The following ADAMTS2 variants were observed in gnomAD, a reference collection of about 807,000 sequenced individuals.
ADAMTS2 encodes A disintegrin and metalloproteinase with thrombospondin motifs 2.
ADAMTS2 carries 50 observed loss-of-function variants against 123.0 expected under a neutral mutation model. The observed-to-expected ratio is 0.41, with a 90% CI of 0.32 to 0.51. ADAMTS2 has a LOEUF of 0.51. Ranked by LOEUF, ADAMTS2 falls within the 20% of genes least tolerant of loss-of-function variation. ADAMTS2 has a pLI of 0.35. For missense variants in ADAMTS2, 1,494 were observed against 1,705.2 expected, an observed-to-expected ratio of 0.88 and a Z score of 2.18; for synonymous variants, 678 against 695.4, an observed-to-expected ratio of 0.98 and a Z score of 0.39.
Position 179,309,074 on chromosome 5 carries a change from G to A in ADAMTS2, c.534+34693C>T, listed in dbSNP as rs983637382. 1.4e-4 allele frequency among the ~76,000 whole-genome samples: 22 copies of A among 152,204 alleles called. 1 individual carries two copies. The highest frequency in any genetic ancestry group is 5.9e-5 in the Non-Finnish European group (4 of 68,022). On this transcript the variant is annotated intron_variant, in intron 2 of 21. Transcript: ENST00000251582. ...CTGTGGACTGGAGTTCTGCAGCTGC[G>A]CCATCCACAGGAAGCTACATGGAGA...
chr5:179,245,972 A>G (rs1200938887), intron 3 of ADAMTS2, among the ~76,000 whole-genome samples: 1 of 152,130 alleles, frequency 6.6e-6, no homozygotes, highest in African/African-American at 2.4e-5. Context: ...CTCCACAAAA[A>G]CAGGAAATAA....
chr5:179,141,520 C>A (rs1014017630), intron 10 of ADAMTS2, among the ~76,000 whole-genome samples: 4 of 152,076 alleles, frequency 2.6e-5, no homozygotes, highest in Non-Finnish European at 5.9e-5. Flanking sequence ...CATTTAAAGT[C>A]TCTGGAAATT....
chr5:179,213,849 A>G (rs1764914762), intron 3 of ADAMTS2, among the ~76,000 whole-genome samples: 1 of 152,242 alleles, frequency 6.6e-6, no homozygotes, highest in Non-Finnish European at 1.5e-5. Flanking sequence ...TATGCTCCTA[A>G]AGCTTCAACC....
intron 17 of ADAMTS2, among the ~76,000 whole-genome samples, chr5:179,126,362 C>T (rs1449840104): frequency 6.6e-6 from 1 of 152,172 alleles, no homozygotes; most frequent in Non-Finnish European, 1.5e-5. Context: ...GGCTGCCTCT[C>T]CCTCACTGGG....
chr5:179,153,927 C>T, intron 8 of ADAMTS2, 122 bp downstream of exon 8: 1 of 1,368,328 alleles, frequency 7.3e-7, no homozygotes, highest in Non-Finnish European at 9.9e-7. Flanking sequence ...TCCTCCCCCG[C>T]ACACAAGCTT....
At position 179,240,782 on chromosome 5, in the gene ADAMTS2, C is replaced by T. The variant is rs6863149; in HGVS notation, c.688+32129G>A. On this transcript the variant is annotated intron_variant, in intron 3 of 21. Coordinates refer to ENST00000251582, the MANE Select transcript of ADAMTS2 (RefSeq NM_014244.5). ...TGCAGACCCCATGCCTTGCCACCCT[C>T]GACCCTGATACGCGATGCCAATAGA... Among the ~76,000 whole-genome samples the T allele has an allele frequency of 9.1e-3, 1,391 of 152,276 alleles. 21 individuals are homozygous for T. The highest frequency in any genetic ancestry group is 0.032 in the African/African-American group (1,332 of 41,534).
intron 5 of ADAMTS2, among the ~76,000 whole-genome samples, chr5:179,168,980 G>C (rs1297676904): frequency 6.6e-6 from 1 of 152,244 alleles, no homozygotes; most frequent in Non-Finnish European, 1.5e-5. Flanking sequence ...TTCCCAGAGA[G>C]AGCCAAGCTG....
chr5:179,299,538 C>CACACACACACACACACACACAT lies in ADAMTS2; in HGVS notation c.535-26475_535-26474insATGTGTGTGTGTGTGTGTGTGT, dbSNP rs1298165522. On this transcript the variant is annotated intron_variant, in intron 2 of 21. Transcript: ENST00000251582. Reference sequence around the variant, plus strand: ...ATCAAGACTCCAACTCAAACACACACACACACACACACACACACACACATT... The same window carrying CACACACACACACACACACACAT: ...ATCAAGACTCCAACTCAAACACACACACACACACACACACACACACATACACACACACACACACACACACATT... 1.9e-3 allele frequency among the ~76,000 whole-genome samples: 277 copies of CACACACACACACACACACACAT among 148,500 alleles called. 2 individuals carry two copies. Among genetic ancestry groups the CACACACACACACACACACACAT allele is most frequent in the African/African-American group, 5.0e-3 (200 of 40,098 alleles).
chr5:179,330,875 A>G (rs1397147925), intron 2 of ADAMTS2, among the ~76,000 whole-genome samples: 1 of 152,194 alleles, frequency 6.6e-6, no homozygotes, highest in African/African-American at 2.4e-5. Flanking sequence ...CTTGTTTGCT[A>G]GAAAATGCAC....
At chr5:179,322,636 T>C (rs1211463475) in intron 2 of ADAMTS2, among the ~76,000 whole-genome samples, 1 of 152,206 alleles carries the variant, frequency 6.6e-6, no homozygotes, top group Non-Finnish European at 1.5e-5. Flanking sequence ...TCTGGCTGCC[T>C]CTGTAATATA....
intron 2 of ADAMTS2, among the ~76,000 whole-genome samples, chr5:179,274,543 C>CT (rs1231830371): frequency 2.6e-5 from 4 of 152,382 alleles, no homozygotes; most frequent in Middle Eastern, 3.4e-3. Context: ...ACCACACCCC[C>CT]CCCAAAGTAA....
intron 2 of ADAMTS2, among the ~76,000 whole-genome samples, chr5:179,295,050 C>G (rs1317317452): frequency 6.6e-6 from 1 of 152,232 alleles, no homozygotes; most frequent in Non-Finnish European, 1.5e-5. Context: ...CACTTCAAAA[C>G]CAGGCCTTGA....
In ADAMTS2 at chr5:179,188,489, A is replaced by G. The variant is rs1439108503; in HGVS notation, c.892-7334T>C. 6.6e-6 allele frequency among the ~76,000 whole-genome samples: 1 copy of G among 152,190 alleles called. No homozygotes were observed. On this transcript the variant is annotated intron_variant, in intron 4 of 21. Coordinates refer to ENST00000251582, the MANE Select transcript of ADAMTS2 (RefSeq NM_014244.5). This position sits in a 1 kb window ranked among gnomAD's most constrained non-coding sequence, Gnocchi z 5.1. Reference sequence around the variant, plus strand: ...AACGGGGCTGCCAGAGCCTGGGCTTATCATGAGAATCAACGTTCCCATTGC... The same window carrying G: ...AACGGGGCTGCCAGAGCCTGGGCTTGTCATGAGAATCAACGTTCCCATTGC...
rs1249824318 is a variant in ADAMTS2 at position 179,170,398 on chromosome 5, T to TA, written c.975+10673_975+10674insT. The stretch of plus-strand genomic sequence containing the variant: ...CATCCCCCAGAGTCTGTCCCCACCG[T>TA]GGGGGGGACAGCTCAGCCCCCTCCT... On this transcript the variant is annotated intron_variant, in intron 5 of 21. Transcript: ENST00000251582. The surrounding 1 kb of genome is among the most constrained non-coding windows in gnomAD (Gnocchi z 4.3). Among the ~76,000 whole-genome samples, 17 of 151,974 alleles carry TA rather than the reference T, an allele frequency of 1.1e-4. No homozygotes were observed.
At chr5:179,168,737 C>T (rs567049285) in intron 5 of ADAMTS2, among the ~76,000 whole-genome samples, 8 of 152,278 alleles carry the variant, frequency 5.3e-5, no homozygotes, top group African/African-American at 1.2e-4. Context: ...GACAAGGTCC[C>T]ACCATCCCTG....
At chr5:179,198,814 A>G (rs1020712318) in intron 4 of ADAMTS2, among the ~76,000 whole-genome samples, 1 of 151,532 alleles carries the variant, frequency 6.6e-6, no homozygotes, top group African/African-American at 2.4e-5. Flanking sequence ...AGCCCGGGCG[A>G]CAGAGCAAGA....
chr5:179,329,982 C>T (rs879663141), intron 2 of ADAMTS2, among the ~76,000 whole-genome samples: 1 of 151,576 alleles, frequency 6.6e-6, no homozygotes, highest in Non-Finnish European at 1.5e-5. Flanking sequence ...AAAAATTAGC[C>T]GGGCGCGGTG....
chr5:179,345,162 C>G lies in ADAMTS2; in HGVS notation c.139+28G>C, dbSNP rs529407156. ...GACAGGGCCAGGCCGGCGGGGGTCC[C>G]GGGGAGTAGGGGCCGGGCCGCACCT... is the stretch of plus-strand genomic sequence containing the variant. On this transcript the variant is annotated intron_variant, in intron 1 of 21. Transcript: ENST00000251582. This position sits in a 1 kb window ranked among gnomAD's most constrained non-coding sequence, Gnocchi z 7.5. The G allele has an allele frequency of 1.8e-6, 2 of 1,085,948 alleles. No individual in the cohort carries two copies. Among genetic ancestry groups the G allele is most frequent in the Admixed American group, 5.2e-5 (1 of 19,200 alleles). The allele number at this position is 1,085,948 out of a possible 1,614,324, so 67.3% of individuals were successfully genotyped here.
intron 2 of ADAMTS2, among the ~76,000 whole-genome samples, chr5:179,335,101 C>G (rs1403810199): frequency 1.3e-5 from 2 of 151,858 alleles, no homozygotes; most frequent in East Asian, 3.9e-4. Flanking sequence ...TGTGACCAGC[C>G]AAGAAAATTT....
Sources: gnomAD v4.1 joint callset for allele counts (sites outside exome capture counted in the v4.1 genomes callset) on GRCh38, gnomAD v4.1.1 for gene constraint, Gnocchi (gnomAD v3.1) non-coding constraint, MANE v1.5 for transcripts, NCBI Gene and HGNC (gene_info 2026-07-23, HGNC 2026-07-21) for gene names.